Variants in TTLL11 observed in about 807,000 individuals in gnomAD.
TTLL11 encodes the protein tubulin polyglutamylase TTLL11.
A neutral mutation model predicts 51.7 loss-of-function variants in TTLL11; 42 were observed. The observed-to-expected ratio is 0.81, with a 90% CI of 0.64 to 1.05. The LOEUF (loss-of-function observed/expected upper bound fraction) is 1.05, where lower values mean the gene tolerates loss of function less well. Ranked by LOEUF, TTLL11 falls within the 50% of genes least tolerant of loss-of-function variation. The probability of loss-of-function intolerance (pLI) is 0.00; values close to 1 mark genes in which losing one functional copy is unlikely to be tolerated. For synonymous variants in TTLL11, 381 were observed against 383.5 expected (o/e 0.99, Z 0.08); for missense variants, 799 against 940.4 (o/e 0.85, Z 1.97).
At chr9:121,891,732 G>A (rs574908804) in intron 6 of TTLL11, among the ~76,000 whole-genome samples, 2 of 152,204 alleles carry the variant, frequency 1.3e-5, no homozygotes, top group African/African-American at 4.8e-5. Flanking sequence ...TGAGGATACA[G>A]GCTCAGAGAG....
At chr9:122,018,923 G>T (rs560385797) in intron 3 of TTLL11, among the ~76,000 whole-genome samples, 23 of 152,276 alleles carry the variant, frequency 1.5e-4, no homozygotes, top group African/African-American at 4.3e-4. Flanking sequence ...GAGACTCCCC[G>T]AACAGCTAAA....
At chr9:121,834,915 C>T (rs908783063) in intron 8 of TTLL11, among the ~76,000 whole-genome samples, 3 of 152,154 alleles carry the variant, frequency 2.0e-5, no homozygotes, top group African/African-American at 7.2e-5. Context: ...GCCTGGAGCG[C>T]TATCACAATA....
chr9:122,067,274 C>T (rs917027979), intron 1 of TTLL11, among the ~76,000 whole-genome samples: 1 of 152,162 alleles, frequency 6.6e-6, no homozygotes, highest in African/African-American at 2.4e-5. Flanking sequence ...CAGAAAAGTC[C>T]TCAAATGTGT....
chr9:122,093,232 C>T lies in TTLL11; in HGVS notation c.-84G>A, dbSNP rs759090689. 2.7e-6 allele frequency: 4 copies of T among 1,490,106 alleles called. No homozygotes were observed. Among genetic ancestry groups the T allele is most frequent in the East Asian group, 2.7e-5 (1 of 36,966 alleles). 92.3% of individuals were successfully genotyped at this position (1,490,106 alleles called of 1,614,324 possible). ...CCCCAGTCCGCCACCAAACTGCCGC[C>T]GCTGCAGCCGCTGCCACGCGTTCCC... On this transcript the variant is annotated 5_prime_UTR_variant, in exon 1 of 9. Transcript: ENST00000321582.
intron 6 of TTLL11, among the ~76,000 whole-genome samples, chr9:121,914,842 A>G (rs1840266787): frequency 6.6e-6 from 1 of 152,186 alleles, no homozygotes; most frequent in African/African-American, 2.4e-5. Context: ...GAATGGAGCC[A>G]GATCCCATAG....
chr9:121,966,212 T>C (rs141542118), intron 6 of TTLL11, among the ~76,000 whole-genome samples: 1 of 152,134 alleles, frequency 6.6e-6, no homozygotes, highest in East Asian at 1.9e-4. Context: ...AAATGTTACA[T>C]GGAAAAAGGG....
chr9:121,858,224 C>T (rs376094608), intron 8 of TTLL11, among the ~76,000 whole-genome samples: 27 of 152,178 alleles, frequency 1.8e-4, no homozygotes, highest in African/African-American at 6.0e-4. Flanking sequence ...ATGACTGCTG[C>T]TATTTCCTGG....
intron 3 of TTLL11, among the ~76,000 whole-genome samples, chr9:121,993,194 G>A: frequency 6.6e-6 from 1 of 152,144 alleles, no homozygotes; most frequent in Non-Finnish European, 1.5e-5. Context: ...AATAAGTTCT[G>A]GACATGGATG....
In TTLL11 at chr9:121,974,096, G is replaced by C; in HGVS notation, c.1394C>G (p.Pro465Arg). ...TTTCACTTCTTCATCAACGAGGCTG[G>C]GGACATTTTCAAACACCCCTGGAGA... Reference protein sequence around the residue: ...ELSPGVFENVPSLVDEEVKVA... With the variant: ...ELSPGVFENVRSLVDEEVKVA... Residue 465 changes from proline to arginine, a missense_variant, in exon 6 of 9, where the codon CCC (proline) becomes CGC (arginine). Physicochemically the swap from Pro to Arg is moderately radical, Grantham distance 103. Coordinates refer to ENST00000321582, the MANE Select transcript of TTLL11 (RefSeq NM_001139442.2). 6.4e-7 allele frequency: 1 copy of C among 1,551,562 alleles called. No homozygotes were observed. Among genetic ancestry groups the C allele is most frequent in the Non-Finnish European group, 8.7e-7 (1 of 1,146,938 alleles).
intron 6 of TTLL11, among the ~76,000 whole-genome samples, chr9:121,894,805 G>A (rs1472996903): frequency 2.6e-5 from 4 of 152,160 alleles, no homozygotes; most frequent in Non-Finnish European, 5.9e-5. Flanking sequence ...GTAGATGACA[G>A]GTTGATGGGT....
At chr9:121,902,732 G>A (rs1465062453) in intron 6 of TTLL11, among the ~76,000 whole-genome samples, 1 of 152,000 alleles carries the variant, frequency 6.6e-6, no homozygotes, top group African/African-American at 2.4e-5. Context: ...CTTCTTTTCT[G>A]ACGCAGATGG....
chr9:121,987,305 C>CAT (rs1191699010), intron 4 of TTLL11, among the ~76,000 whole-genome samples: 1 of 152,014 alleles, frequency 6.6e-6, no homozygotes, highest in Non-Finnish European at 1.5e-5. Flanking sequence ...ATTCTTTTTT[C>CAT]ATATATATCA....
intron 4 of TTLL11, among the ~76,000 whole-genome samples, chr9:121,982,958 A>G (rs2131676960): frequency 6.6e-6 from 1 of 152,258 alleles, no homozygotes; most frequent in Middle Eastern, 3.4e-3. Context: ...TCAGTGAGGA[A>G]AGTAACTGGA....
chr9:121,959,214 C>T (rs1264615771), intron 6 of TTLL11, among the ~76,000 whole-genome samples: 1 of 152,106 alleles, frequency 6.6e-6, no homozygotes, highest in Non-Finnish European at 1.5e-5. Flanking sequence ...ACCCAGACCT[C>T]CTGTCCTGGG....
chr9:121,953,194 T>A (rs1841901885), intron 6 of TTLL11, among the ~76,000 whole-genome samples: 1 of 152,250 alleles, frequency 6.6e-6, no homozygotes, highest in African/African-American at 2.4e-5. Context: ...AAATGACTCA[T>A]ATGTAAAACA....
chr9:122,045,232 T>C (rs983784525), intron 1 of TTLL11, among the ~76,000 whole-genome samples: 7 of 151,794 alleles, frequency 4.6e-5, no homozygotes, highest in Admixed American at 4.6e-4. Flanking sequence ...GATCTAGCAA[T>C]TCCAGTTCTG....
intron 8 of TTLL11, among the ~76,000 whole-genome samples, chr9:121,836,035 C>G (rs1341977050): frequency 6.6e-6 from 1 of 152,216 alleles, no homozygotes; most frequent in Non-Finnish European, 1.5e-5. Flanking sequence ...TAAGAGTGGT[C>G]TGTATACAAC....
At chr9:121,962,086 C>A (rs953371074) in intron 6 of TTLL11, among the ~76,000 whole-genome samples, 6 of 151,856 alleles carry the variant, frequency 4.0e-5, no homozygotes, top group African/African-American at 1.5e-4. Flanking sequence ...AAACAGCATA[C>A]CAAAATTACA....
chr9:121,935,367 T>C (rs1482779918), intron 6 of TTLL11, among the ~76,000 whole-genome samples: 1 of 152,188 alleles, frequency 6.6e-6, no homozygotes, highest in Admixed American at 6.5e-5. Context: ...ATCATTATTA[T>C]GATGACAATA....
Sources: gnomAD v4.1 joint callset for allele counts (sites outside exome capture counted in the v4.1 genomes callset) on GRCh38, gnomAD v4.1.1 for gene constraint, MANE v1.5 for transcripts, NCBI Gene and HGNC (gene_info 2026-07-23, HGNC 2026-07-21) for gene names.